Variants in HSPG2 observed in about 807,000 individuals in gnomAD.
HSPG2 encodes the protein heparan sulfate proteoglycan 2, also known as basement membrane-specific heparan sulfate proteoglycan core protein.
In HSPG2, 278 loss-of-function variants were observed where a neutral mutation model predicts 526.6. That is an observed-to-expected ratio of 0.53 (90% CI 0.48 to 0.58). The LOEUF (loss-of-function observed/expected upper bound fraction) is 0.58. HSPG2 is among the 20% of genes least tolerant of loss of function. The pLI is 0.00. For synonymous variants in HSPG2, 2,465 were observed against 2,555.4 expected, an observed-to-expected ratio of 0.96 and a Z score of 1.07; for missense variants, 5,354 against 6,099.5, an observed-to-expected ratio of 0.88 and a Z score of 4.07.
rs1176384856 is a variant in HSPG2, at chr1:21,884,588, T to C, written c.1594A>G (p.Ser532Gly). 2 of 1,610,584 alleles carry C rather than the reference T, an allele frequency of 1.2e-6. No individual in the cohort carries two copies. The highest frequency in any genetic ancestry group is 3.3e-5 in the Admixed American group (2 of 60,010). ...FCFGITSVCQ[S>G]TRRFRDQIRL... is the part of the protein sequence containing the mutation. ...ATCTGGTCCCGGAAGCGGCGGGTGC[T>C]CTGGCACACGCTGGTGATGCCAAAG... Residue 532 changes from serine to glycine, a missense_variant, in exon 13 of 97, where the codon AGC becomes GGC. Transcript: ENST00000374695.
Position 21,852,744 on chromosome 1 carries a change from AGG to A in HSPG2, c.6678_6679del (p.Leu2227ArgfsTer198). On this transcript the variant is annotated frameshift_variant, in exon 52 of 97. Transcript: ENST00000374695. LOFTEE classifies it high-confidence loss of function. ...GATGGTGACCAGGACTGAGGCCTCT[AGG>A]GGGCCGGAGGTGCCCACCACATGGC... 6.2e-7 allele frequency: 1 copy of A among 1,613,104 alleles called. No individual in the cohort carries two copies.
chr1:21,870,482 GGCC>G (rs1358028255), intron 33 of HSPG2, among the ~76,000 whole-genome samples: 2 of 152,192 alleles, frequency 1.3e-5, no homozygotes, highest in African/African-American at 4.8e-5. Context: ...GTTAACTCCA[GGCC>G]GCCCACATGC....
At position 21,833,281 on chromosome 1, in the gene HSPG2, G is replaced by A. The variant is rs2229486; in HGVS notation, c.11082C>T (p.Pro3694=). 135,918 of 1,613,534 alleles carry A rather than the reference G, an allele frequency of 0.084. 6,529 individuals are homozygous for A. Among genetic ancestry groups the A allele is most frequent in the African/African-American group, 0.18 (13,214 of 74,988 alleles). ...CCTCCTGCTCACCATCGGCTGAGTC[G>A]GGCCGGAAGGTGATCTTGATCTCGA... The part of the protein sequence containing the change: ...RKFEIKITFR[P]DSADGMLLYN... Residue 3694 remains proline (P), a synonymous_variant, in exon 80 of 97, where the codon CCC becomes CCT. Transcript: ENST00000374695.
At position 21,831,714 on chromosome 1, in the gene HSPG2, G is replaced by A. The variant is rs751483203; in HGVS notation, c.11290C>T (p.Arg3764Cys). The A allele has an allele frequency of 1.2e-5, 20 of 1,606,156 alleles. No homozygotes were observed. Among genetic ancestry groups the A allele is most frequent in the African/African-American group, 4.0e-5 (3 of 74,802 alleles). ...LGHFHTVTLL[R>C]SLTQGSLIVG... is the part of the protein sequence containing the mutation. ...ATCAGGGAGCCCTGGGTGAGGCTGCGCAGCAGGGTCACGGTGTGGAAATGG... is the reference window on the plus strand; with the variant it reads ...ATCAGGGAGCCCTGGGTGAGGCTGCACAGCAGGGTCACGGTGTGGAAATGG... Residue 3764 changes from arginine (R) to cysteine (C), a missense_variant, in exon 82 of 97, where the codon CGC (arginine) becomes TGC (cysteine). Physicochemically the swap from Arg to Cys is radical, Grantham distance 180. Transcript: ENST00000374695.
rs766113633 is a variant in HSPG2, at chr1:21,864,959, C to T, written c.4510G>A (p.Ala1504Thr). ...RATFSSVPLA[A>T]SISAVSLEVA... ...TCCAGGCTGACTGCGCTGATGCTGG[C>T]CGCCAGCGGCACGGAGGAGAACGTG... The change falls in exon 36 of 97, where the codon GCC becomes ACC. Residue 1504 changes from alanine to threonine, a missense_variant. Coordinates refer to ENST00000374695, the MANE Select transcript of HSPG2 (RefSeq NM_005529.7). This position sits in a 1 kb window ranked among gnomAD's most constrained non-coding sequence, Gnocchi z 4.8. 9 of 1,601,404 alleles carry T rather than the reference C, an allele frequency of 5.6e-6. No homozygotes were observed. Among genetic ancestry groups the T allele is most frequent in the Non-Finnish European group, 6.8e-6 (8 of 1,175,882 alleles).
rs756488318 is a variant in HSPG2, at chr1:21,862,062, G to A, written c.4794C>T (p.Tyr1598=). 1 of 1,614,098 alleles carries A rather than the reference G, an allele frequency of 6.2e-7. No individual in the cohort carries two copies. Among genetic ancestry groups the A allele is most frequent in the South Asian group, 1.1e-5 (1 of 91,082 alleles). ...GEFCELCAPG[Y]YGDATAGTPE... ...GCGTCCCGGCTGTGGCATCTCCGTA[G>A]TAGCCAGGGGCACAAAGCTCGCAGA... Residue 1598 remains tyrosine, a synonymous_variant, in exon 38 of 97, where the codon TAC becomes TAT. Transcript: ENST00000374695.
chr1:21,869,045 G>A (rs958129770), intron 33 of HSPG2: 1 of 314,474 alleles, frequency 3.2e-6, no homozygotes, highest in Non-Finnish European at 4.6e-6. Context: ...TTCCGGCAGG[G>A]GTGGACCGTC....
intron 91 of HSPG2, among the ~76,000 whole-genome samples, chr1:21,826,897 G>A (rs755506067): frequency 2.0e-5 from 3 of 152,146 alleles, no homozygotes; most frequent in Admixed American, 6.6e-5. Flanking sequence ...CTAAGTGGCC[G>A]GGCGCGGTGG....
rs753623396 is a variant in HSPG2, at chr1:21,842,258, G to A, written c.9033C>T (p.Pro3011=). Residue 3011 remains proline, a synonymous_variant, in exon 68 of 97, where the codon CCC becomes CCT. Coordinates refer to ENST00000374695, the MANE Select transcript of HSPG2 (RefSeq NM_005529.7). The part of the protein sequence containing the change: ...QEASFTVTVP[P]SEGSSYRLRS... The stretch of plus-strand genomic sequence containing the variant: ...ACTCACGGTAGGAAGACCCCTCACT[G>A]GGCGGGACGGTGACTGTGAAGGAGG... 2.5e-6 allele frequency: 4 copies of A among 1,613,528 alleles called. No homozygotes were observed. Among genetic ancestry groups the A allele is most frequent in the Non-Finnish European group, 3.4e-6 (4 of 1,179,936 alleles).
chr1:21,882,919 C>T (rs1282522539), intron 13 of HSPG2, among the ~76,000 whole-genome samples: 6 of 152,270 alleles, frequency 3.9e-5, no homozygotes, highest in African/African-American at 9.6e-5. Context: ...GCAGAATGAC[C>T]GAGCACAGCC....
Position 21,864,760 on chromosome 1 carries a change from T to G in HSPG2, c.4626+83A>C. On this transcript the variant is annotated intron_variant, in intron 36 of 96. Coordinates refer to ENST00000374695, the MANE Select transcript of HSPG2 (RefSeq NM_005529.7). The surrounding 1 kb of genome is among the most constrained non-coding windows in gnomAD (Gnocchi z 4.8). Reference sequence around the variant, plus strand: ...GGGGTCATTATAGTTATGATGGTAATCAAGGCTGCGGCGACGCCGGCTGAT... The same window carrying G: ...GGGGTCATTATAGTTATGATGGTAAGCAAGGCTGCGGCGACGCCGGCTGAT... 8.7e-7 allele frequency: 1 copy of G among 1,153,678 alleles called. No homozygotes were observed. The highest frequency in any genetic ancestry group is 1.9e-4 in the Middle Eastern group (1 of 5,198). The allele number at this position is 1,153,678 out of a possible 1,614,324, so 71.5% of individuals were successfully genotyped here.
In HSPG2 at chr1:21,878,676, A is replaced by G; in HGVS notation, c.2472-13T>C. ...AGTGTCTGAGAATCTGCAGGTATCA[A>G]GTGGACAGGGCATGGGGCAGGGCTG... On this transcript the variant is annotated splice_polypyrimidine_tract_variant and intron_variant, in intron 18 of 96. Coordinates refer to ENST00000374695, the MANE Select transcript of HSPG2 (RefSeq NM_005529.7). 4 of 1,611,998 alleles carry G rather than the reference A, an allele frequency of 2.5e-6. No individual in the cohort carries two copies. The highest frequency in any genetic ancestry group is 3.4e-6 in the Non-Finnish European group (4 of 1,178,060).
chr1:21,842,059 G>T lies in HSPG2; in HGVS notation c.9136C>A (p.His3046Asn). The change falls in exon 69 of 97, where the codon CAT (histidine) becomes AAT (asparagine). Residue 3046 changes from histidine (H) to asparagine (N), a missense_variant. Physicochemically the swap from His to Asn is moderately conservative, Grantham distance 68. Coordinates refer to ENST00000374695, the MANE Select transcript of HSPG2 (RefSeq NM_005529.7). ...GQDASFKCLI[H>N]DGAAPISLEW... ...AGGCTGATGGGGGCTGCCCCGTCAT[G>T]GATGAGGCACTTGAAGCTGGCATCC... 6.2e-7 allele frequency: 1 copy of T among 1,613,624 alleles called. No homozygotes were observed. The highest frequency in any genetic ancestry group is 8.5e-7 in the Non-Finnish European group (1 of 1,180,020).
chr1:21,869,352 G>A, intron 33 of HSPG2: 1 of 652,110 alleles, frequency 1.5e-6, no homozygotes, highest in Non-Finnish European at 1.9e-6. Context: ...GAGAAAATTG[G>A]AAAGAAATAA....
chr1:21,852,666 C>T, intron 52 of HSPG2, 34 bp downstream of exon 52: 1 of 1,612,492 alleles, frequency 6.2e-7, no homozygotes, highest in South Asian at 1.1e-5. Context: ...CTCTCTGCCT[C>T]CTCCAGCTTT....
Position 21,937,226 on chromosome 1 carries a change from C to A in HSPG2, c.-9G>T. ...GCCGCCCGCCACCCCATGGCCCGGC[C>A]CGCGCCGCTCTCTCGCTCGCTCGCT... On this transcript the variant is annotated 5_prime_UTR_variant, in exon 1 of 97. Transcript: ENST00000374695. 1 of 1,008,590 alleles carries A rather than the reference C, an allele frequency of 9.9e-7. No homozygotes were observed. 62.5% of individuals were successfully genotyped at this position (1,008,590 alleles called of 1,614,324 possible).
At position 21,937,198 on chromosome 1, in the gene HSPG2, C is replaced by A. The variant is rs2152809591; in HGVS notation, c.20G>T (p.Gly7Val). 1 of 1,081,232 alleles carries A rather than the reference C, an allele frequency of 9.2e-7. No homozygotes were observed. The highest frequency in any genetic ancestry group is 2.6e-5 in the South Asian group (1 of 38,522). The allele number at this position is 1,081,232 out of a possible 1,614,324, so 67.0% of individuals were successfully genotyped here. Reference sequence around the variant, plus strand: ...CAGCAGCAGCGCCAGCAGCAGCGCGCCCGCCGCCCGCCACCCCATGGCCCG... The same window carrying A: ...CAGCAGCAGCGCCAGCAGCAGCGCGACCGCCGCCCGCCACCCCATGGCCCG... Reference protein sequence around the residue: MGWRAAGALLLALLLHG... With the variant: MGWRAAVALLLALLLHG... The change falls in exon 1 of 97, where the codon GGC (glycine) becomes GTC (valine). Residue 7 changes from glycine to valine, a missense_variant. Transcript: ENST00000374695.
chr1:21,872,289 A>G lies in HSPG2; in HGVS notation c.4118T>C (p.Val1373Ala). Reference protein sequence around the residue: ...RNSRLTGEFTVEPVPEGAQLS... With the variant: ...RNSRLTGEFTAEPVPEGAQLS... ...CTGGGCACCCTCGGGCACGGGTTCC[A>G]CAGTGAATTCTCCTGTCAGGCGGCT... Residue 1373 changes from valine to alanine, a missense_variant, in exon 33 of 97, where the codon GTG (valine) becomes GCG (alanine). Transcript: ENST00000374695. The surrounding 1 kb of genome is among the most constrained non-coding windows in gnomAD (Gnocchi z 5.5). 6.4e-7 allele frequency: 1 copy of G among 1,566,006 alleles called. No individual in the cohort carries two copies. The highest frequency in any genetic ancestry group is 8.7e-7 in the Non-Finnish European group (1 of 1,155,066).
rs74495090 is a variant in HSPG2 at position 21,936,439 on chromosome 1, T to C, written c.63+716A>G. Among the ~76,000 whole-genome samples, 391 of 152,044 alleles carry C rather than the reference T, an allele frequency of 2.6e-3. 1 individual carries two copies. Among genetic ancestry groups the C allele is most frequent in the East Asian group, 0.022 (113 of 5,180 alleles). ...GCACTGCATCCCCGCACCACGCACT[T>C]TGCAGCTCATTCCACGCAGTCCAGC... is the stretch of plus-strand genomic sequence containing the variant. On this transcript the variant is annotated intron_variant, in intron 1 of 96. Coordinates refer to ENST00000374695, the MANE Select transcript of HSPG2 (RefSeq NM_005529.7).
Sources: allele counts gnomAD v4.1 joint callset (sites outside exome capture counted in the v4.1 genomes callset), GRCh38; gene constraint gnomAD v4.1.1; non-coding constraint Gnocchi (gnomAD v3.1); transcripts MANE v1.5; gene names NCBI Gene and HGNC (gene_info 2026-07-23, HGNC 2026-07-21).